Variants in PRLR observed in about 807,000 individuals in gnomAD.
The protein encoded by PRLR is prolactin receptor.
Under a neutral mutation model 40.2 loss-of-function variants are expected in PRLR, and 13 were observed. The ratio of observed to expected loss-of-function variants is 0.32; its 90% CI spans 0.21 to 0.51. The LOEUF is 0.51. Among genes scored for constraint, PRLR ranks in the 20% least tolerant of loss-of-function variants. The probability of loss-of-function intolerance (pLI) is 0.97; values close to 1 mark genes in which losing one functional copy is unlikely to be tolerated. For missense variants in PRLR, 656 were observed against 747.3 expected (o/e 0.88, Z 1.42); for synonymous variants, 269 against 278.7 (o/e 0.97, Z 0.35).
chr5:35,156,880 T>C (rs80182763), intron 1 of PRLR, among the ~76,000 whole-genome samples: 1,837 of 152,168 alleles, frequency 0.012, 28 homozygotes, highest in South Asian at 0.072. Context: ...TGAAACCTCA[T>C]GGAAGAATTA....
intron 1 of PRLR, among the ~76,000 whole-genome samples, chr5:35,220,827 C>T (rs1329417521): frequency 6.6e-6 from 1 of 152,178 alleles, no homozygotes; most frequent in Non-Finnish European, 1.5e-5. Context: ...AATGCTACAT[C>T]ACCTTCTGTC....
intron 1 of PRLR, chr5:35,195,329 T>A (rs190008128): frequency 1.3e-5 from 2 of 152,350 alleles, no homozygotes; most frequent in African/African-American, 4.8e-5. Flanking sequence ...CTCCCTGGAA[T>A]TCCTACGGTC....
chr5:35,069,715 T>C (rs1045360567), intron 7 of PRLR, among the ~76,000 whole-genome samples: 7 of 152,254 alleles, frequency 4.6e-5, no homozygotes, highest in South Asian at 2.1e-4. Context: ...TCTTATATCC[T>C]GTGTCTTCAC....
chr5:35,072,405 C>T (rs1769802883), intron 6 of PRLR, among the ~76,000 whole-genome samples, 170 bp downstream of exon 6: 1 of 152,102 alleles, frequency 6.6e-6, no homozygotes, highest in African/African-American at 2.4e-5. Flanking sequence ...GATGAGCCCC[C>T]ATCAATCCCA....
At chr5:35,116,937 T>C (rs1773057111) in intron 2 of PRLR, among the ~76,000 whole-genome samples, 1 of 152,204 alleles carries the variant, frequency 6.6e-6, no homozygotes, top group South Asian at 2.1e-4. Context: ...TGGAAGACAT[T>C]TGGCAAAGCC....
intron 1 of PRLR, among the ~76,000 whole-genome samples, chr5:35,120,388 G>A (rs934131370): frequency 2.6e-5 from 4 of 152,118 alleles, no homozygotes; most frequent in African/African-American, 9.7e-5. Context: ...TCCTAGCTGC[G>A]CGTGCCATCC....
At chr5:35,104,580 C>T (rs1772103833) in intron 2 of PRLR, among the ~76,000 whole-genome samples, 1 of 152,080 alleles carries the variant, frequency 6.6e-6, no homozygotes, top group African/African-American at 2.4e-5. Flanking sequence ...TATATCCTGC[C>T]CCTGACTCGG....
intron 2 of PRLR, among the ~76,000 whole-genome samples, chr5:35,102,220 T>G (rs558345864): frequency 6.6e-6 from 1 of 152,278 alleles, no homozygotes; most frequent in South Asian, 2.1e-4. Context: ...GGGTCATTTA[T>G]GAACATAAAA....
Position 35,117,882 on chromosome 5 carries a change from T to C in PRLR, c.-44+179A>G, listed in dbSNP as rs115058492. Among the ~76,000 whole-genome samples, 531 of 152,332 alleles carry C rather than the reference T, an allele frequency of 3.5e-3. 3 individuals are homozygous for C. The highest frequency in any genetic ancestry group is 0.011 in the African/African-American group (456 of 41,572). ...AGGATGAACATCAGTTTTTCTGAGC[T>C]GGACAGGCTGGGGAGACTGAAACAG... On this transcript the variant is annotated intron_variant, in intron 2 of 9. Transcript: ENST00000618457.
At chr5:35,155,683 G>T (rs1469029432) in intron 1 of PRLR, among the ~76,000 whole-genome samples, 2 of 152,168 alleles carry the variant, frequency 1.3e-5, no homozygotes, top group Non-Finnish European at 2.9e-5. Context: ...AAGGATTAAA[G>T]GAGTTACCGG....
intron 1 of PRLR, among the ~76,000 whole-genome samples, chr5:35,135,740 C>T (rs964814625): frequency 3.3e-5 from 5 of 152,100 alleles, no homozygotes; most frequent in South Asian, 2.1e-4. Context: ...GCGGCAATCA[C>T]GATGCCTGCC....
chr5:35,150,860 T>C (rs552467961), intron 1 of PRLR, among the ~76,000 whole-genome samples: 240 of 152,332 alleles, frequency 1.6e-3, no homozygotes, highest in African/African-American at 5.4e-3. Context: ...TCTGAAATTT[T>C]AGTTTTCTAG....
chr5:35,109,022 C>T (rs1274148592), intron 2 of PRLR, among the ~76,000 whole-genome samples: 1 of 152,090 alleles, frequency 6.6e-6, no homozygotes, highest in Non-Finnish European at 1.5e-5. Flanking sequence ...AACAGAAATA[C>T]AGACCAATGG....
chr5:35,054,599 T>C (rs544552725), downstream of PRLR, among the ~76,000 whole-genome samples: 2 of 152,310 alleles, frequency 1.3e-5, no homozygotes, highest in South Asian at 4.1e-4. Flanking sequence ...GGGAGATTAA[T>C]AAACTGTATA....
At chr5:35,106,712 C>A (rs577545677) in intron 2 of PRLR, among the ~76,000 whole-genome samples, 1 of 152,082 alleles carries the variant, frequency 6.6e-6, no homozygotes, top group African/African-American at 2.4e-5. Context: ...ACAGGAGCAC[C>A]CAGATTCATA....
chr5:35,061,955 G>A lies in PRLR; in HGVS notation c.*3134C>T, dbSNP rs542136375. On this transcript the variant is annotated 3_prime_UTR_variant, in exon 10 of 10. Transcript: ENST00000618457. ...TAAAAGATCATTTTTCTAAAGATTA[G>A]TGCCTCATTCAATATGTCTCTTCTC... 28 of 152,244 alleles carry A rather than the reference G, an allele frequency of 1.8e-4. No individual in the cohort carries two copies. The highest frequency in any genetic ancestry group is 6.3e-4 in the African/African-American group (26 of 41,550). 9.4% of individuals were successfully genotyped at this position (152,244 alleles called of 1,614,324 possible). A position where few individuals can be genotyped will look rare whatever the true frequency, so the allele number is the denominator to read the frequency against.
intron 1 of PRLR, among the ~76,000 whole-genome samples, chr5:35,137,857 C>T (rs1188644076): frequency 6.6e-6 from 1 of 152,150 alleles, no homozygotes; most frequent in Admixed American, 6.5e-5. Context: ...TTCGCTTGAA[C>T]CCGGGAAGCA....
chr5:35,125,355 G>A (rs1459815280), intron 1 of PRLR, among the ~76,000 whole-genome samples: 1 of 152,166 alleles, frequency 6.6e-6, no homozygotes, highest in East Asian at 1.9e-4. Flanking sequence ...TTAGTTCAGA[G>A]GTCATGAGTG....
At chr5:35,112,000 G>A (rs1223089949) in intron 2 of PRLR, among the ~76,000 whole-genome samples, 1 of 152,194 alleles carries the variant, frequency 6.6e-6, no homozygotes, top group Non-Finnish European at 1.5e-5. Context: ...ATTCAGTGGT[G>A]CAAATACATG....
Sources: gnomAD v4.1 joint callset for allele counts (sites outside exome capture counted in the v4.1 genomes callset) on GRCh38, gnomAD v4.1.1 for gene constraint, MANE v1.5 for transcripts, NCBI Gene and HGNC (gene_info 2026-07-23, HGNC 2026-07-21) for gene names.